Variants in DPP10 observed in about 807,000 individuals in gnomAD.
DPP10 encodes the protein inactive dipeptidyl peptidase 10.
A neutral mutation model predicts 120.9 loss-of-function variants in DPP10; 33 were observed. The observed-to-expected ratio is 0.27, with a 90% CI of 0.21 to 0.37. The LOEUF is 0.37. Among genes scored for constraint, DPP10 ranks in the 10% least tolerant of loss-of-function variants. The pLI, the probability that DPP10 is intolerant of heterozygous loss-of-function variation, is 1.00. For synonymous variants in DPP10, 337 were observed against 326.1 expected, an observed-to-expected ratio of 1.03 and a Z score of -0.36; for missense variants, 816 against 942.8, an observed-to-expected ratio of 0.87 and a Z score of 1.76.
intron 1 of DPP10, among the ~76,000 whole-genome samples, chr2:114,650,515 A>G (rs1419246655): frequency 6.6e-6 from 1 of 152,216 alleles, no homozygotes; most frequent in Non-Finnish European, 1.5e-5. Context: ...GTGCTTTTCA[A>G]TACTGCATTA....
chr2:114,851,986 C>T (rs923783320), intron 1 of DPP10, among the ~76,000 whole-genome samples: 12 of 151,816 alleles, frequency 7.9e-5, no homozygotes, highest in Admixed American at 7.9e-4. Flanking sequence ...CTGTTGAGGC[C>T]TATAGGGTAA....
chr2:114,959,121 C>T lies in DPP10; in HGVS notation c.61-350118C>T, dbSNP rs191962110. On this transcript the variant is annotated intron_variant, in intron 1 of 25. Coordinates refer to ENST00000410059, the MANE Select transcript of DPP10 (RefSeq NM_020868.6). ...TCACCCGGGCTGGAGTACAGTGGCCCGATCTCAGCTCACTGCAACCTCCAC... is the reference window on the plus strand; with the variant it reads ...TCACCCGGGCTGGAGTACAGTGGCCTGATCTCAGCTCACTGCAACCTCCAC... 1.0e-3 allele frequency among the ~76,000 whole-genome samples: 156 copies of T among 152,194 alleles called. 1 individual carries two copies. Among genetic ancestry groups the T allele is most frequent in the African/African-American group, 3.5e-3 (144 of 41,514 alleles).
intron 3 of DPP10, among the ~76,000 whole-genome samples, chr2:115,354,953 T>A (rs4610067): frequency 0.66 from 99,874 of 152,072 alleles, 33,077 homozygotes; most frequent in Admixed American, 0.74. Flanking sequence ...TCTATCACTG[T>A]TGGGCATTGA....
At chr2:114,482,132 A>G (rs570707585) in intron 1 of DPP10, among the ~76,000 whole-genome samples, 2 of 152,216 alleles carry the variant, frequency 1.3e-5, no homozygotes, top group Admixed American at 6.6e-5. Flanking sequence ...GGAGATTACA[A>G]TTTGGGATGA....
intron 3 of DPP10, among the ~76,000 whole-genome samples, chr2:115,387,266 G>A (rs1021955869): frequency 1.3e-4 from 20 of 152,152 alleles, no homozygotes; most frequent in African/African-American, 4.6e-4. Flanking sequence ...AGAATCCTTA[G>A]CGTGTTTCTC....
At chr2:115,790,831 G>T (rs1038165796) in intron 17 of DPP10, among the ~76,000 whole-genome samples, 2 of 152,090 alleles carry the variant, frequency 1.3e-5, no homozygotes, top group Admixed American at 6.6e-5. Context: ...TCTTAAGCAG[G>T]TTAACAATAT....
intron 1 of DPP10, among the ~76,000 whole-genome samples, chr2:114,761,856 G>GA (rs1317573460): frequency 2.6e-5 from 4 of 152,082 alleles, no homozygotes; most frequent in Non-Finnish European, 5.9e-5. Context: ...GCTCTGAGAA[G>GA]ACTTCAGATA....
chr2:114,994,117 GT>G (rs1700928735), intron 1 of DPP10, among the ~76,000 whole-genome samples: 2 of 152,060 alleles, frequency 1.3e-5, no homozygotes, highest in East Asian at 1.9e-4. Context: ...TCTGGGCTTG[GT>G]TTTTTTCTGA....
chr2:115,831,971 A>G (rs1688973495), intron 21 of DPP10, among the ~76,000 whole-genome samples: 1 of 152,212 alleles, frequency 6.6e-6, no homozygotes, highest in African/African-American at 2.4e-5. Context: ...TTAAATCAAA[A>G]GTAGCCTCTA....
At chr2:115,258,271 G>A (rs1007116203) in intron 1 of DPP10, among the ~76,000 whole-genome samples, 7 of 152,126 alleles carry the variant, frequency 4.6e-5, no homozygotes, top group Non-Finnish European at 1.0e-4. Context: ...CCAGTAGCTG[G>A]TGTTAAATTG....
intron 1 of DPP10, among the ~76,000 whole-genome samples, chr2:114,861,705 T>G (rs1689818918): frequency 1.3e-5 from 2 of 152,188 alleles, no homozygotes; most frequent in South Asian, 4.1e-4. Flanking sequence ...GTGGCTTTGT[T>G]CATTCTATAG....
At chr2:114,586,366 T>A (rs1690980135) in intron 1 of DPP10, among the ~76,000 whole-genome samples, 1 of 152,180 alleles carries the variant, frequency 6.6e-6, no homozygotes, top group Non-Finnish European at 1.5e-5. Context: ...ATGGGAGACA[T>A]ATGATTAACA....
chr2:115,225,507 G>A (rs1338284221), intron 1 of DPP10, among the ~76,000 whole-genome samples: 4 of 151,182 alleles, frequency 2.6e-5, no homozygotes, highest in African/African-American at 9.7e-5. Context: ...GTGTGTGTGT[G>A]TGTGCGTGTG....
intron 11 of DPP10, among the ~76,000 whole-genome samples, chr2:115,760,196 TTAAAG>T (rs1679946248): frequency 6.6e-6 from 1 of 152,006 alleles, no homozygotes; most frequent in South Asian, 2.1e-4. Flanking sequence ...GAAATAGACT[TTAAAG>T]TAAGACTTAT....
chr2:114,710,748 A>T (rs1463980708), intron 1 of DPP10, among the ~76,000 whole-genome samples: 1 of 152,216 alleles, frequency 6.6e-6, no homozygotes, highest in Non-Finnish European at 1.5e-5. Flanking sequence ...CCGTCTAAAA[A>T]AATAAAAAAA....
At chr2:114,692,903 C>T (rs1699855023) in intron 1 of DPP10, among the ~76,000 whole-genome samples, 1 of 151,616 alleles carries the variant, frequency 6.6e-6, no homozygotes, top group East Asian at 1.9e-4. Flanking sequence ...GATTGCAACC[C>T]CTTCTTCTCT....
intron 5 of DPP10, among the ~76,000 whole-genome samples, chr2:115,618,781 G>T (rs2084717921): frequency 6.6e-6 from 1 of 152,064 alleles, no homozygotes; most frequent in Non-Finnish European, 1.5e-5. Flanking sequence ...TGTGTGACAT[G>T]CTGGCCCTAA....
rs66927327 is a variant in DPP10 at position 115,459,938 on chromosome 2, T to TATATATATATATATACACACACACAC, written c.272-39571_272-39570insTATATATATATATACACACACACACA. ...AAAACATATATTTTATATATATATATACACACACACACCTTTGTTTGCATT... is the reference window on the plus strand; with the variant it reads ...AAAACATATATTTTATATATATATATATATATATATATATACACACACACACACACACACACACCTTTGTTTGCATT... On this transcript the variant is annotated intron_variant, in intron 3 of 25. Transcript: ENST00000410059. 5.4e-5 allele frequency among the ~76,000 whole-genome samples: 7 copies of TATATATATATATATACACACACACAC among 128,528 alleles called. No homozygotes were observed. In the South Asian group the frequency reaches 1.4e-3, roughly 25 times the overall value. The allele number at this position is 128,528 out of a possible 152,430, so 84.3% of individuals were successfully genotyped here.
chr2:114,742,981 A>T (rs1057278459), intron 1 of DPP10, among the ~76,000 whole-genome samples: 4 of 152,226 alleles, frequency 2.6e-5, no homozygotes, highest in African/African-American at 9.6e-5. Context: ...AAATGGAAGA[A>T]AAAAATTTTA....
Sources: allele counts gnomAD v4.1 joint callset (sites outside exome capture counted in the v4.1 genomes callset), GRCh38; gene constraint gnomAD v4.1.1; transcripts MANE v1.5; gene names NCBI Gene and HGNC (gene_info 2026-07-23, HGNC 2026-07-21).